RNF180: variants seen among roughly 807,000 people sequenced by gnomAD.
RNF180 encodes E3 ubiquitin-protein ligase RNF180.
A neutral mutation model predicts 59.2 loss-of-function variants in RNF180; 38 were observed. The observed-to-expected ratio is 0.64, with a 90% confidence interval of 0.50 to 0.84. The LOEUF is 0.84. Ranked by LOEUF, RNF180 falls within the 40% of genes least tolerant of loss-of-function variation. The pLI, the probability that RNF180 is intolerant of heterozygous loss-of-function variation, is 0.00. For synonymous variants in RNF180, 262 were observed against 240.3 expected (o/e 1.09, Z -0.84); for missense variants, 705 against 700.9 (o/e 1.01, Z -0.07).
chr5:64,193,855 T>A (rs1402894942), intron 1 of RNF180, among the ~76,000 whole-genome samples: 1 of 152,182 alleles, frequency 6.6e-6, no homozygotes, highest in Non-Finnish European at 1.5e-5. Flanking sequence ...CTTGACCTTT[T>A]AACCAGGGCC....
intron 7 of RNF180, among the ~76,000 whole-genome samples, chr5:64,343,306 G>A (rs530762793): frequency 3.3e-5 from 5 of 152,076 alleles, no homozygotes; most frequent in African/African-American, 1.2e-4. Flanking sequence ...GAATAAAACA[G>A]TCTGGGACTA....
At chr5:64,289,991 G>C (rs771326476) in intron 5 of RNF180, among the ~76,000 whole-genome samples, 5 of 151,888 alleles carry the variant, frequency 3.3e-5, no homozygotes, top group Non-Finnish European at 7.4e-5. Flanking sequence ...GTTAATTTGA[G>C]GTTTTTCTAC....
At chr5:64,210,644 A>G (rs1468461988) in intron 2 of RNF180, among the ~76,000 whole-genome samples, 2 of 152,122 alleles carry the variant, frequency 1.3e-5, no homozygotes, top group Non-Finnish European at 2.9e-5. Flanking sequence ...CAAAAGACCT[A>G]TTAGTCTGTC....
At chr5:64,236,761 G>A (rs1472817870) in intron 5 of RNF180, among the ~76,000 whole-genome samples, 1 of 152,150 alleles carries the variant, frequency 6.6e-6, no homozygotes, top group Non-Finnish European at 1.5e-5. Flanking sequence ...GATGTCCTGT[G>A]TCCCAGCTGC....
chr5:64,303,800 G>A (rs1382334095), intron 5 of RNF180, among the ~76,000 whole-genome samples: 2 of 151,652 alleles, frequency 1.3e-5, no homozygotes, highest in Non-Finnish European at 3.0e-5. Context: ...TAAGATCATT[G>A]ATGAAGGCAA....
intron 5 of RNF180, among the ~76,000 whole-genome samples, chr5:64,244,965 CA>C (rs1230319309): frequency 6.6e-6 from 1 of 152,156 alleles, no homozygotes; most frequent in Non-Finnish European, 1.5e-5. Context: ...ATTTTCAACA[CA>C]GAATTTCATA....
intron 3 of RNF180, 30 bp downstream of exon 3, chr5:64,212,190 G>A: frequency 8.0e-7 from 1 of 1,252,348 alleles, no homozygotes; most frequent in Non-Finnish European, 1.2e-6. Context: ...GTAAAATTAA[G>A]AATATACAAC....
intron 7 of RNF180, among the ~76,000 whole-genome samples, chr5:64,355,936 G>A (rs1402118017): frequency 1.3e-5 from 2 of 151,738 alleles, no homozygotes; most frequent in African/African-American, 4.8e-5. Flanking sequence ...ATAAAGAGGG[G>A]TAAATATTTA....
chr5:64,201,991 AC>A lies in RNF180; in HGVS notation c.135+1050del, dbSNP rs542474462. On this transcript the variant is annotated intron_variant, in intron 2 of 7. Coordinates refer to ENST00000389100, the MANE Select transcript of RNF180 (RefSeq NM_001113561.2). ...GAATACTTTTTAATGACTTGAAATA[AC>A]ATTTTAATTAGGAAAATATCCAAAA... Among the ~76,000 whole-genome samples the A allele has an allele frequency of 4.3e-4, 65 of 152,332 alleles. 1 individual carries two copies. In the East Asian group the frequency reaches 0.012, roughly 29 times the overall value.
chr5:64,350,213 T>C (rs912791608), intron 7 of RNF180, among the ~76,000 whole-genome samples: 4 of 152,182 alleles, frequency 2.6e-5, no homozygotes, highest in Non-Finnish European at 5.9e-5. Context: ...ATAAATGTCT[T>C]CTTTTGAGAA....
intron 7 of RNF180, among the ~76,000 whole-genome samples, chr5:64,347,503 C>T (rs1745601604): frequency 6.6e-6 from 1 of 152,108 alleles, no homozygotes; most frequent in Non-Finnish European, 1.5e-5. Context: ...AAGTGTCAGA[C>T]CTTTTTTGCC....
intron 6 of RNF180, among the ~76,000 whole-genome samples, chr5:64,329,257 G>A (rs573387568): frequency 7.2e-5 from 11 of 152,142 alleles, no homozygotes; most frequent in African/African-American, 2.2e-4. Flanking sequence ...CTATTCTGTT[G>A]TTACACTCAT....
At chr5:64,282,292 C>T (rs753510590) in intron 5 of RNF180, among the ~76,000 whole-genome samples, 5 of 151,972 alleles carry the variant, frequency 3.3e-5, no homozygotes, top group Non-Finnish European at 5.9e-5. Context: ...TGTATGTTTC[C>T]AGCAATTTAT....
chr5:64,317,846 C>A (rs1445879338), intron 5 of RNF180, among the ~76,000 whole-genome samples: 2 of 152,018 alleles, frequency 1.3e-5, no homozygotes, highest in Admixed American at 1.3e-4. Flanking sequence ...ACCTAACTTA[C>A]CAAAAAAGTG....
intron 5 of RNF180, among the ~76,000 whole-genome samples, chr5:64,246,121 T>A (rs1221236167): frequency 2.0e-5 from 3 of 152,060 alleles, no homozygotes. Flanking sequence ...TAAAGCAGTG[T>A]TTAAAGGGAA....
At chr5:64,251,972 C>T (rs895422596) in intron 5 of RNF180, among the ~76,000 whole-genome samples, 1 of 152,048 alleles carries the variant, frequency 6.6e-6, no homozygotes, top group Admixed American at 6.6e-5. Flanking sequence ...ATCTCATACA[C>T]ATGGATTGGA....
At chr5:64,243,680 G>T (rs760846603) in intron 5 of RNF180, among the ~76,000 whole-genome samples, 1 of 152,166 alleles carries the variant, frequency 6.6e-6, no homozygotes, top group African/African-American at 2.4e-5. Flanking sequence ...AGACTGAAAC[G>T]TTCCTGCCTG....
chr5:64,168,042 A>G (rs1209663427), intron 1 of RNF180, among the ~76,000 whole-genome samples: 1 of 152,170 alleles, frequency 6.6e-6, no homozygotes, highest in Non-Finnish European at 1.5e-5. Context: ...CATTCCAAGT[A>G]GTCACCTCAG....
At chr5:64,290,093 C>G (rs1338296678) in intron 5 of RNF180, among the ~76,000 whole-genome samples, 1 of 152,140 alleles carries the variant, frequency 6.6e-6, no homozygotes, top group African/African-American at 2.4e-5. Context: ...TCTTTGTTCT[C>G]ATTAGTTTCA....
Sources: allele counts gnomAD v4.1 joint callset (sites outside exome capture counted in the v4.1 genomes callset), GRCh38; gene constraint gnomAD v4.1.1; transcripts MANE v1.5; gene names NCBI Gene and HGNC (gene_info 2026-07-23, HGNC 2026-07-21).